The following BRINP1 variants were observed in gnomAD, a reference collection of about 807,000 sequenced individuals.
BRINP1 encodes the protein BMP/retinoic acid-inducible neural-specific protein 1.
In BRINP1, 17 loss-of-function variants were observed where a neutral mutation model predicts 72.9. That is an observed-to-expected ratio of 0.23 (90% confidence interval 0.16 to 0.35). The LOEUF (loss-of-function observed/expected upper bound fraction) is 0.35. Among genes scored for constraint, BRINP1 ranks in the 10% least tolerant of loss-of-function variants. The pLI is 1.00. For missense variants in BRINP1, 850 were observed against 1,001.6 expected (o/e 0.85, Z 2.04); for synonymous variants, 418 against 378.5 (o/e 1.10, Z -1.21).
intron 2 of BRINP1, among the ~76,000 whole-genome samples, chr9:119,292,443 A>G (rs950165810): frequency 1.3e-5 from 2 of 152,232 alleles, no homozygotes; most frequent in Non-Finnish European, 2.9e-5. Context: ...ACCTTCAGCT[A>G]GGACATTATG....
intron 1 of BRINP1, among the ~76,000 whole-genome samples, chr9:119,328,524 A>G (rs1267449003): frequency 1.3e-5 from 2 of 152,182 alleles, no homozygotes; most frequent in East Asian, 1.9e-4. Context: ...ATAATAGAAT[A>G]TGAGACAGAA....
intron 2 of BRINP1, among the ~76,000 whole-genome samples, chr9:119,304,505 C>T (rs1193605427): frequency 6.6e-6 from 1 of 152,212 alleles, no homozygotes; most frequent in African/African-American, 2.4e-5. Flanking sequence ...GAATCCATAG[C>T]TAATGAGACC....
At chr9:119,187,407 C>T (rs2118845372) in intron 7 of BRINP1, among the ~76,000 whole-genome samples, 1 of 152,056 alleles carries the variant, frequency 6.6e-6, no homozygotes, top group South Asian at 2.1e-4. Flanking sequence ...ACCACTGCCA[C>T]AAAGTCTTGT....
intron 1 of BRINP1, among the ~76,000 whole-genome samples, chr9:119,366,801 G>A (rs1329666755): frequency 1.3e-5 from 2 of 151,936 alleles, no homozygotes; most frequent in Non-Finnish European, 2.9e-5. Context: ...GATAAGCCTA[G>A]ATTCTAGTCC....
chr9:119,166,650 T>G lies in BRINP1; in HGVS notation c.*434A>C, dbSNP rs79291386. The G allele has an allele frequency of 3.4e-3, 532 of 155,616 alleles. 37 individuals are homozygous for G. In the East Asian group the frequency reaches 0.092, roughly 27 times the overall value. 9.6% of individuals were successfully genotyped at this position (155,616 alleles called of 1,614,324 possible). A position where few individuals can be genotyped will look rare whatever the true frequency, so the allele number is the denominator to read the frequency against. ...GGAATAAATCTTAACCGAAGAAATA[T>G]CTTCTTTATCTATGTCCATTTCCTC... is the stretch of plus-strand genomic sequence containing the variant. On this transcript the variant is annotated 3_prime_UTR_variant, in exon 8 of 8. Coordinates refer to ENST00000265922, the MANE Select transcript of BRINP1 (RefSeq NM_014618.3).
At chr9:119,340,585 ATAGGGC>A (rs1831396457) in intron 1 of BRINP1, among the ~76,000 whole-genome samples, 1 of 152,196 alleles carries the variant, frequency 6.6e-6, no homozygotes, top group Non-Finnish European at 1.5e-5. Context: ...CCCATTCTAT[ATAGGGC>A]TCAGAAGTCG....
At chr9:119,267,786 G>A (rs12553101) in intron 2 of BRINP1, among the ~76,000 whole-genome samples, 17,832 of 152,154 alleles carry the variant, frequency 0.12, 1,293 homozygotes, top group Admixed American at 0.23. Context: ...GAGAACAGAT[G>A]AGAGCATGAA....
intron 7 of BRINP1, among the ~76,000 whole-genome samples, chr9:119,208,101 T>C (rs556968762): frequency 8.5e-5 from 13 of 152,282 alleles, no homozygotes; most frequent in Non-Finnish European, 1.6e-4. Flanking sequence ...CATCTCTGTA[T>C]TCTCCACCAT....
intron 1 of BRINP1, among the ~76,000 whole-genome samples, chr9:119,365,724 G>T (rs549529168): frequency 6.6e-6 from 1 of 152,244 alleles, no homozygotes; most frequent in Admixed American, 6.5e-5. Context: ...ATTCTTGCCT[G>T]TACCAGCGGC....
chr9:119,213,772 T>C (rs1353044582), intron 6 of BRINP1, 147 bp downstream of exon 6: 13 of 694,682 alleles, frequency 1.9e-5, no homozygotes, highest in Non-Finnish European at 3.1e-5. Context: ...CTGTGACAGC[T>C]ATTATACTTG....
intron 7 of BRINP1, among the ~76,000 whole-genome samples, chr9:119,189,563 A>C (rs1240866582): frequency 6.6e-6 from 1 of 152,174 alleles, no homozygotes; most frequent in Non-Finnish European, 1.5e-5. Flanking sequence ...AATTATTTCA[A>C]GAGAGAAAGA....
chr9:119,346,428 G>C (rs1326405226), intron 1 of BRINP1, among the ~76,000 whole-genome samples: 2 of 152,116 alleles, frequency 1.3e-5, no homozygotes, highest in Non-Finnish European at 1.5e-5. Flanking sequence ...TAACAAAACA[G>C]ACACTGCAAT....
intron 7 of BRINP1, among the ~76,000 whole-genome samples, chr9:119,206,419 CAAAAAAAA>C (rs56106482): frequency 1.1e-5 from 1 of 87,180 alleles, no homozygotes; most frequent in Non-Finnish European, 2.3e-5. Flanking sequence ...GACTCCATCT[CAAAAAAAA>C]AAAAAAAAAA....
At chr9:119,297,993 A>G (rs1489499073) in intron 2 of BRINP1, among the ~76,000 whole-genome samples, 2 of 152,218 alleles carry the variant, frequency 1.3e-5, no homozygotes, top group African/African-American at 4.8e-5. Flanking sequence ...AACTCATTAT[A>G]TTGAAGCACA....
intron 7 of BRINP1, among the ~76,000 whole-genome samples, chr9:119,192,552 C>T (rs1407989562): frequency 6.6e-6 from 1 of 151,948 alleles, no homozygotes; most frequent in Non-Finnish European, 1.5e-5. Flanking sequence ...TACAATATTG[C>T]CCTGCTCCCA....
At position 119,350,791 on chromosome 9, in the gene BRINP1, C is replaced by A. The variant is rs959020625; in HGVS notation, c.-51+18265G>T. ...CATCTTCAAAATAAAAACTGTAATA[C>A]CTGCTTCATGGTTGTGAAATCAAAT... On this transcript the variant is annotated intron_variant, in intron 1 of 7. Transcript: ENST00000265922. 5.9e-5 allele frequency among the ~76,000 whole-genome samples: 9 copies of A among 152,028 alleles called. No homozygotes were observed. In the South Asian group the frequency reaches 1.7e-3, roughly 28 times the overall value.
chr9:119,220,248 G>A (rs1184903702), intron 5 of BRINP1, among the ~76,000 whole-genome samples: 1 of 152,148 alleles, frequency 6.6e-6, no homozygotes, highest in African/African-American at 2.4e-5. Flanking sequence ...GAGTACTCAA[G>A]TAACAGAAGA....
chr9:119,181,582 A>G (rs571081873), intron 7 of BRINP1, among the ~76,000 whole-genome samples: 1 of 152,328 alleles, frequency 6.6e-6, no homozygotes, highest in Non-Finnish European at 1.5e-5. Flanking sequence ...ATGACTGACC[A>G]TTACTAACCA....
At chr9:119,227,466 G>T (rs1357872350) in intron 5 of BRINP1, among the ~76,000 whole-genome samples, 1 of 152,058 alleles carries the variant, frequency 6.6e-6, no homozygotes, top group Non-Finnish European at 1.5e-5. Flanking sequence ...AAAAGCAACA[G>T]TTGGATGCAG....
Sources: gnomAD v4.1 joint callset for allele counts (sites outside exome capture counted in the v4.1 genomes callset) on GRCh38, gnomAD v4.1.1 for gene constraint, MANE v1.5 for transcripts, NCBI Gene and HGNC (gene_info 2026-07-23, HGNC 2026-07-21) for gene names.